The following ZNF804A variants were observed in gnomAD, a reference collection of about 807,000 sequenced individuals.
ZNF804A encodes the protein zinc finger protein 804A.
ZNF804A carries 2 observed loss-of-function variants against 16.5 expected under a neutral mutation model. That is an observed-to-expected ratio of 0.12 (90% CI 0.05 to 0.38). The LOEUF (loss-of-function observed/expected upper bound fraction) is 0.38. Among genes scored for constraint, ZNF804A ranks in the 10% least tolerant of loss-of-function variants. ZNF804A has a pLI of 0.99. For missense variants in ZNF804A, 1,473 were observed against 1,390.7 expected (o/e 1.06, Z -0.94); for synonymous variants, 534 against 489.6 (o/e 1.09, Z -1.20).
chr2:184,800,270 G>T (rs1383948778), intron 1 of ZNF804A, among the ~76,000 whole-genome samples: 1 of 151,668 alleles, frequency 6.6e-6, no homozygotes, highest in African/African-American at 2.4e-5. Context: ...CCTTCTTTCA[G>T]TAAGTCTTGC....
rs550473759 is a variant in ZNF804A, at chr2:184,767,859, G to A, written c.112-98510G>A. 8.5e-5 allele frequency among the ~76,000 whole-genome samples: 13 copies of A among 152,106 alleles called. No individual in the cohort carries two copies. The South Asian group carries it at 2.7e-3, about 32-fold the overall frequency. Reference sequence around the variant, plus strand: ...TCCAAAATTGTTGCAAATAAATAAGGCAGGCATCAGTGAATCCAAATCTGT... The same window carrying A: ...TCCAAAATTGTTGCAAATAAATAAGACAGGCATCAGTGAATCCAAATCTGT... On this transcript the variant is annotated intron_variant, in intron 1 of 3. Transcript: ENST00000302277.
chr2:184,797,078 T>C (rs1694640699), intron 1 of ZNF804A, among the ~76,000 whole-genome samples: 1 of 152,180 alleles, frequency 6.6e-6, no homozygotes, highest in African/African-American at 2.4e-5. Flanking sequence ...TTCTATGCAC[T>C]GTTGAATAGA....
chr2:184,649,729 A>G (rs1181872636), intron 1 of ZNF804A, among the ~76,000 whole-genome samples: 2 of 151,820 alleles, frequency 1.3e-5, no homozygotes, highest in African/African-American at 4.8e-5. Context: ...CAAGACAGGA[A>G]GTAATTAAAA....
At chr2:184,935,394 T>C (rs1248119039) in intron 3 of ZNF804A, among the ~76,000 whole-genome samples, 3 of 152,190 alleles carry the variant, frequency 2.0e-5, no homozygotes, top group African/African-American at 7.2e-5. Context: ...TCATCATATT[T>C]ACCATATAGC....
chr2:184,786,047 TA>T (rs1200408309), intron 1 of ZNF804A, among the ~76,000 whole-genome samples: 1 of 151,992 alleles, frequency 6.6e-6, no homozygotes, highest in Non-Finnish European at 1.5e-5. Context: ...TGAAAATCAG[TA>T]ATAATATGGA....
chr2:184,861,411 G>A (rs72905792), intron 1 of ZNF804A, among the ~76,000 whole-genome samples: 17,634 of 152,138 alleles, frequency 0.12, 1,408 homozygotes, highest in East Asian at 0.3. Context: ...TTAAATTGAT[G>A]TTTCTGCAGG....
intron 1 of ZNF804A, among the ~76,000 whole-genome samples, chr2:184,745,500 T>G (rs558603569): frequency 7.2e-5 from 11 of 151,806 alleles, no homozygotes; most frequent in Middle Eastern, 3.4e-3. Context: ...TTTTCAAGAA[T>G]GTAATTATCA....
At chr2:184,760,386 A>T (rs1045864746) in intron 1 of ZNF804A, among the ~76,000 whole-genome samples, 2 of 152,198 alleles carry the variant, frequency 1.3e-5, no homozygotes, top group African/African-American at 2.4e-5. Flanking sequence ...ATTAAAATAC[A>T]TATAACTTTC....
intron 2 of ZNF804A, among the ~76,000 whole-genome samples, chr2:184,926,429 C>T (rs979142812): frequency 6.6e-6 from 1 of 151,828 alleles, no homozygotes; most frequent in Non-Finnish European, 1.5e-5. Context: ...TTTTAGGATC[C>T]TTTCTTTTTC....
intron 1 of ZNF804A, among the ~76,000 whole-genome samples, chr2:184,830,611 A>C (rs1197750049): frequency 6.6e-6 from 1 of 152,180 alleles, no homozygotes; most frequent in Non-Finnish European, 1.5e-5. Context: ...TCTGTATTTT[A>C]GTAAGCAGAC....
At chr2:184,769,231 A>G (rs1431732100) in intron 1 of ZNF804A, among the ~76,000 whole-genome samples, 2 of 152,086 alleles carry the variant, frequency 1.3e-5, no homozygotes, top group African/African-American at 4.8e-5. Context: ...CTTTAAGGAA[A>G]GAACACACTG....
chr2:184,657,262 T>A (rs1356883441), intron 1 of ZNF804A, among the ~76,000 whole-genome samples: 1 of 152,070 alleles, frequency 6.6e-6, no homozygotes, highest in Non-Finnish European at 1.5e-5. Context: ...ATTTGTGTAT[T>A]TTTGGTAGAG....
chr2:184,841,719 A>G (rs1208456003), intron 1 of ZNF804A, among the ~76,000 whole-genome samples: 1 of 152,156 alleles, frequency 6.6e-6, no homozygotes, highest in South Asian at 2.1e-4. Flanking sequence ...TTACATTTTA[A>G]AAAATACTTC....
intron 1 of ZNF804A, among the ~76,000 whole-genome samples, chr2:184,725,019 A>AT (rs1693384141): frequency 6.6e-6 from 1 of 151,756 alleles, no homozygotes; most frequent in Non-Finnish European, 1.5e-5. Flanking sequence ...AGTTATTCCT[A>AT]GGGATTTATA....
chr2:184,913,289 A>G (rs1053295868), intron 2 of ZNF804A, among the ~76,000 whole-genome samples: 9 of 152,198 alleles, frequency 5.9e-5, no homozygotes, highest in African/African-American at 2.2e-4. Context: ...GCACATAGGA[A>G]TGAAAGAAGA....
chr2:184,857,331 C>A (rs1695704096), intron 1 of ZNF804A, among the ~76,000 whole-genome samples: 1 of 151,980 alleles, frequency 6.6e-6, no homozygotes, highest in African/African-American at 2.4e-5. Context: ...CCATTGTGAT[C>A]AGAAATAAAG....
intron 1 of ZNF804A, among the ~76,000 whole-genome samples, chr2:184,759,897 C>T (rs1325984067): frequency 1.3e-5 from 2 of 152,122 alleles, no homozygotes; most frequent in Non-Finnish European, 2.9e-5. Flanking sequence ...AACAGCCCCA[C>T]CTCTATCTCC....
At chr2:184,792,476 G>A (rs1044508214) in intron 1 of ZNF804A, among the ~76,000 whole-genome samples, 1 of 152,066 alleles carries the variant, frequency 6.6e-6, no homozygotes, top group African/African-American at 2.4e-5. Flanking sequence ...TGAGGTGCCT[G>A]TTCAGATCTT....
intron 1 of ZNF804A, among the ~76,000 whole-genome samples, chr2:184,709,084 T>A (rs1342282179): frequency 6.6e-6 from 1 of 152,152 alleles, no homozygotes; most frequent in Non-Finnish European, 1.5e-5. Flanking sequence ...TGATTCTACC[T>A]TCTTGAGGAA....
Sources: gnomAD v4.1 joint callset for allele counts (sites outside exome capture counted in the v4.1 genomes callset) on GRCh38, gnomAD v4.1.1 for gene constraint, MANE v1.5 for transcripts, NCBI Gene and HGNC (gene_info 2026-07-23, HGNC 2026-07-21) for gene names.